Variants in PPARD observed in about 807,000 individuals in gnomAD.
PPARD encodes the protein peroxisome proliferator activated receptor delta, also known as peroxisome proliferator-activated receptor delta.
A neutral mutation model predicts 39.5 loss-of-function variants in PPARD; 6 were observed. That is an observed-to-expected ratio of 0.15 (90% confidence interval 0.08 to 0.30). The LOEUF is 0.30. PPARD is among the 10% of genes least tolerant of loss of function. The pLI is 1.00. For synonymous variants in PPARD, 210 were observed against 231.3 expected (o/e 0.91, Z 0.83); for missense variants, 397 against 596.8 (o/e 0.67, Z 3.49).
chr6:35,362,693 G>A (rs1483017981), intron 2 of PPARD, among the ~76,000 whole-genome samples: 3 of 152,096 alleles, frequency 2.0e-5, no homozygotes, highest in Admixed American at 6.5e-5. Context: ...GGGTTGGGGC[G>A]GGGTAGGCAG....
chr6:35,402,144 C>T (rs1764730178), intron 2 of PPARD, among the ~76,000 whole-genome samples: 1 of 152,214 alleles, frequency 6.6e-6, no homozygotes, highest in South Asian at 2.1e-4. Flanking sequence ...GTATCCCACG[C>T]TCACTGTGAA....
intron 2 of PPARD, among the ~76,000 whole-genome samples, chr6:35,365,686 T>C (rs1036650523): frequency 6.6e-6 from 1 of 151,568 alleles, no homozygotes; most frequent in African/African-American, 2.4e-5. Context: ...AGACAGGGTT[T>C]CACTTTGTTG....
intron 1 of PPARD, among the ~76,000 whole-genome samples, chr6:35,344,888 C>G (rs558167798): frequency 3.9e-4 from 59 of 152,294 alleles, no homozygotes; most frequent in African/African-American, 1.4e-3. Context: ...GCAGCACTTG[C>G]AAAGATTTGG....
intron 3 of PPARD, among the ~76,000 whole-genome samples, chr6:35,417,674 G>C (rs374488174): frequency 6.6e-6 from 1 of 152,110 alleles, no homozygotes; most frequent in Admixed American, 6.5e-5. Flanking sequence ...TGGGACTACA[G>C]GCATGTGCCA....
At position 35,426,145 on chromosome 6, in the gene PPARD, CTT is replaced by C. The variant is rs2150869692; in HGVS notation, c.*69_*70del. On this transcript the variant is annotated 3_prime_UTR_variant, in exon 8 of 8. Coordinates refer to ENST00000360694, the MANE Select transcript of PPARD (RefSeq NM_006238.5). ...GCACTGGAGGGGCCCACCCACATGA[CTT>C]TTCCATTGACCAGCCCTTGAGCACC... 1 of 1,564,446 alleles carries C rather than the reference CTT, an allele frequency of 6.4e-7. No individual in the cohort carries two copies. The highest frequency in any genetic ancestry group is 1.2e-5 in the South Asian group (1 of 84,554).
At chr6:35,382,927 T>C (rs1763232606) in intron 2 of PPARD, among the ~76,000 whole-genome samples, 1 of 152,196 alleles carries the variant, frequency 6.6e-6, no homozygotes, top group Admixed American at 6.5e-5. Context: ...TTTTTATTAT[T>C]ATTAGTGCTA....
Position 35,401,676 on chromosome 6 carries a change from C to G in PPARD, c.-101-9311C>G, listed in dbSNP as rs1257397900. Among the ~76,000 whole-genome samples the G allele has an allele frequency of 2.0e-5, 3 of 152,230 alleles. No homozygotes were observed. Among genetic ancestry groups the G allele is most frequent in the Non-Finnish European group, 2.9e-5 (2 of 68,052 alleles). On this transcript the variant is annotated intron_variant, in intron 2 of 7. Transcript: ENST00000360694. This position sits in a 1 kb window ranked among gnomAD's most constrained non-coding sequence, Gnocchi z 4.1. Reference sequence around the variant, plus strand: ...ACGTAAGGTCCTCAGGAAAGCGTCTCCTGGCCACTCGCACCTGACTCATGT... The same window carrying G: ...ACGTAAGGTCCTCAGGAAAGCGTCTGCTGGCCACTCGCACCTGACTCATGT...
intron 2 of PPARD, among the ~76,000 whole-genome samples, chr6:35,352,758 A>G (rs1582276739): frequency 6.6e-6 from 1 of 152,194 alleles, no homozygotes; most frequent in East Asian, 1.9e-4. Context: ...TGGAGTGCGT[A>G]TACATGACCT....
chr6:35,357,790 GC>G (rs1761706129), intron 2 of PPARD, among the ~76,000 whole-genome samples: 1 of 138,058 alleles, frequency 7.2e-6, no homozygotes, highest in South Asian at 2.1e-4. Context: ...ACTTGCCTCG[GC>G]CTCCCAAAGT....
intron 2 of PPARD, among the ~76,000 whole-genome samples, chr6:35,365,990 C>CGCT (rs1306650970): frequency 6.6e-6 from 1 of 151,580 alleles, no homozygotes; most frequent in Non-Finnish European, 1.5e-5. Flanking sequence ...GGTGAGTGAG[C>CGCT]GCTGGTATCT....
At chr6:35,355,672 C>T (rs1250730011) in intron 2 of PPARD, among the ~76,000 whole-genome samples, 4 of 114,782 alleles carry the variant, frequency 3.5e-5, no homozygotes, top group Admixed American at 1.3e-4. Context: ...AGTGCAGTGG[C>T]GTGATCTCGG....
In PPARD at chr6:35,375,209, G is replaced by GTTTTTTTTT. The variant is rs558275286; in HGVS notation, c.-102+28076_-102+28084dup. On this transcript the variant is annotated intron_variant, in intron 2 of 7. Coordinates refer to ENST00000360694, the MANE Select transcript of PPARD (RefSeq NM_006238.5). Reference sequence around the variant, plus strand: ...TTTTTGCCTATTTTTCTCCTTCCGAGTTTTTTTTTTTTTTTTTTTTTTTTT... The same window carrying GTTTTTTTTT: ...TTTTTGCCTATTTTTCTCCTTCCGAGTTTTTTTTTTTTTTTTTTTTTTTTTTTTTTTTTT... 6.6e-4 allele frequency among the ~76,000 whole-genome samples: 39 copies of GTTTTTTTTT among 59,230 alleles called. 1 individual carries two copies. Among genetic ancestry groups the GTTTTTTTTT allele is most frequent in the Admixed American group, 1.4e-3 (5 of 3,654 alleles). The allele number at this position is 59,230 out of a possible 152,430, so 38.9% of individuals were successfully genotyped here.
intron 2 of PPARD, chr6:35,348,496 A>G (rs534372514): frequency 7.1e-6 from 7 of 985,256 alleles, no homozygotes; most frequent in South Asian, 4.7e-5. Context: ...TCATTGTCCT[A>G]TTTGGAAGGC....
chr6:35,365,428 C>T lies in PPARD; in HGVS notation c.-102+18278C>T, dbSNP rs966322415. ...GTCCTGGGATTACAGGTGTGAGCCACCACGCCCAGCCCCTCATTCTTTTTT... is the reference window on the plus strand; with the variant it reads ...GTCCTGGGATTACAGGTGTGAGCCATCACGCCCAGCCCCTCATTCTTTTTT... On this transcript the variant is annotated intron_variant, in intron 2 of 7. Coordinates refer to ENST00000360694, the MANE Select transcript of PPARD (RefSeq NM_006238.5). Among the ~76,000 whole-genome samples the T allele has an allele frequency of 1.5e-4, 23 of 151,048 alleles. 1 individual carries two copies. The highest frequency in any genetic ancestry group is 2.6e-4 in the Non-Finnish European group (18 of 67,950).
At chr6:35,360,266 C>G (rs1479406811) in intron 2 of PPARD, among the ~76,000 whole-genome samples, 1 of 152,168 alleles carries the variant, frequency 6.6e-6, no homozygotes, top group African/African-American at 2.4e-5. Context: ...AAAAAAATCT[C>G]TGCTGTGATT....
intron 2 of PPARD, among the ~76,000 whole-genome samples, chr6:35,393,071 G>C (rs955741639): frequency 1.3e-5 from 2 of 152,198 alleles, no homozygotes; most frequent in Non-Finnish European, 2.9e-5. Context: ...TAGGCCTCCA[G>C]GAAGGGGGCC....
chr6:35,361,955 C>T (rs1761946212), intron 2 of PPARD, among the ~76,000 whole-genome samples: 1 of 152,074 alleles, frequency 6.6e-6, no homozygotes, highest in African/African-American at 2.4e-5. Context: ...TAATCAGATG[C>T]CACCAATGGC....
intron 5 of PPARD, 91 bp downstream of exon 5, chr6:35,422,049 C>T (rs1373262169): frequency 2.1e-6 from 3 of 1,433,306 alleles, no homozygotes; most frequent in East Asian, 4.9e-5. Flanking sequence ...CTAGAGGGGG[C>T]ACCTGTAGAG....
At chr6:35,355,581 GC>G (rs1761534411) in intron 2 of PPARD, among the ~76,000 whole-genome samples, 1 of 101,382 alleles carries the variant, frequency 9.9e-6, no homozygotes. Context: ...AAAAAAAAGT[GC>G]TTTCTTCTTC....
Sources: gnomAD v4.1 joint callset for allele counts (sites outside exome capture counted in the v4.1 genomes callset) on GRCh38, gnomAD v4.1.1 for gene constraint, Gnocchi (gnomAD v3.1) non-coding constraint, MANE v1.5 for transcripts, NCBI Gene and HGNC (gene_info 2026-07-23, HGNC 2026-07-21) for gene names.